Variants in C6 observed in about 807,000 individuals in gnomAD.
C6 encodes the protein complement component C6.
Under a neutral mutation model 112.9 loss-of-function variants are expected in C6, and 101 were observed. The observed-to-expected ratio is 0.89, with a 90% CI of 0.76 to 1.06. The LOEUF is 1.06. Ranked by LOEUF, C6 falls within the 50% of genes least tolerant of loss-of-function variation. The pLI is 0.00. For missense variants in C6, 1,202 were observed against 1,104.6 expected, an observed-to-expected ratio of 1.09 and a Z score of -1.25; for synonymous variants, 431 against 384.1, an observed-to-expected ratio of 1.12 and a Z score of -1.43.
At chr5:41,170,179 T>C (rs1461729094) in intron 9 of C6, among the ~76,000 whole-genome samples, 2 of 152,106 alleles carry the variant, frequency 1.3e-5, no homozygotes, top group African/African-American at 4.8e-5. Flanking sequence ...ATACTAATTT[T>C]CACATATTAA....
At chr5:41,218,353 G>A (rs1350825505), upstream of C6, among the ~76,000 whole-genome samples, 1 of 151,744 alleles carries the variant, frequency 6.6e-6, no homozygotes, top group Non-Finnish European at 1.5e-5. Flanking sequence ...AAAATTTACT[G>A]CAAGGAACTG....
At chr5:41,153,741 T>C in intron 15 of C6, 69 bp downstream of exon 15, 1 of 1,156,276 alleles carries the variant, frequency 8.6e-7, no homozygotes, top group Admixed American at 1.7e-5. Flanking sequence ...ATAATGGCTA[T>C]AGAGGCTATA....
Position 41,225,079 on chromosome 5 carries a change from T to C in C6, c.-20-21829A>G, listed in dbSNP as rs1318094588. Among the ~76,000 whole-genome samples, 3 of 152,224 alleles carry C rather than the reference T, an allele frequency of 2.0e-5. No individual in the cohort carries two copies. In the East Asian group the frequency reaches 5.8e-4, roughly 29 times the overall value. Reference sequence around the variant, plus strand: ...TCAAATCCTTTAGCCATTTTTTAAATTATACTTTAAGTTTTAGGGTACATG... The same window carrying C: ...TCAAATCCTTTAGCCATTTTTTAAACTATACTTTAAGTTTTAGGGTACATG... On this transcript the variant is annotated intron_variant, in intron 1 of 17. Coordinates refer to the C6 transcript ENST00000263413.
intron 1 of C6, among the ~76,000 whole-genome samples, chr5:41,204,389 G>A (rs892570951): frequency 1.3e-5 from 2 of 152,134 alleles, no homozygotes; most frequent in African/African-American, 4.8e-5. Flanking sequence ...AAATTTAATA[G>A]TAGCTGTTGG....
At chr5:41,177,196 T>G (rs956050283) in intron 7 of C6, among the ~76,000 whole-genome samples, 1 of 152,212 alleles carries the variant, frequency 6.6e-6, no homozygotes, top group Non-Finnish European at 1.5e-5. Flanking sequence ...TAGACTTCAG[T>G]TGTCAAATGA....
At position 41,195,850 on chromosome 5, in the gene C6, T is replaced by C; in HGVS notation, c.529A>G (p.Lys177Glu). ...TTATACTTCCGTGTGCATACTGCCT[T>C]TGTCCTCCCACAGTCCCTTTCATCT... The part of the protein sequence containing the change: ...NSDERDCGRT[K>E]AVCTRKYNPI... The change falls in exon 5 of 18, where the codon AAG becomes GAG. Residue 177 changes from lysine to glutamate, a missense_variant. Lys to Glu is a moderately conservative substitution (Grantham distance 56). Coordinates refer to ENST00000337836, the MANE Select transcript of C6 (RefSeq NM_000065.5). 5 of 1,614,064 alleles carry C rather than the reference T, an allele frequency of 3.1e-6. No individual in the cohort carries two copies. The highest frequency in any genetic ancestry group is 4.2e-6 in the Non-Finnish European group (5 of 1,179,950).
At position 41,155,095 on chromosome 5, in the gene C6, G is replaced by A; in HGVS notation, c.1978C>T (p.Gln660Ter). The A allele has an allele frequency of 6.2e-7, 1 of 1,613,262 alleles. No homozygotes were observed. Among genetic ancestry groups the A allele is most frequent in the Non-Finnish European group, 8.5e-7 (1 of 1,179,418 alleles). ...PENGFIRNEK[Q>*]LYLVGEDVEI... The stretch of plus-strand genomic sequence containing the variant: ...ACATCTTCTCCAACCAAGTATAGTT[G>A]CTTTTCATTCTTAATTAAAGCAGAA... Residue 660 changes from glutamine to a stop codon, truncating the protein, a stop_gained, in exon 14 of 18, where the codon CAA becomes TAA. Transcript: ENST00000337836. LOFTEE classifies it high-confidence loss of function.
At chr5:41,248,344 G>T (rs908245561) in intron 1 of C6, among the ~76,000 whole-genome samples, 2 of 152,170 alleles carry the variant, frequency 1.3e-5, no homozygotes, top group Admixed American at 6.5e-5. Context: ...AAACTAAAGA[G>T]CTTCTGCACA....
intron 1 of C6, among the ~76,000 whole-genome samples, chr5:41,247,819 A>G (rs144671290): frequency 2.8e-4 from 42 of 152,274 alleles, no homozygotes; most frequent in Non-Finnish European, 5.7e-4. Flanking sequence ...AAAGAAATCA[A>G]AGACACAAAC....
chr5:41,253,664 T>C (rs1741503305), intron 1 of C6, among the ~76,000 whole-genome samples: 1 of 152,192 alleles, frequency 6.6e-6, no homozygotes, highest in African/African-American at 2.4e-5. Flanking sequence ...AGCTTGTTTT[T>C]AGGTTATTTT....
intron 1 of C6, among the ~76,000 whole-genome samples, chr5:41,234,521 A>T (rs532699127): frequency 6.6e-6 from 1 of 152,210 alleles, no homozygotes; most frequent in Non-Finnish European, 1.5e-5. Flanking sequence ...ACAGAGATTT[A>T]ATCTAGAAAG....
chr5:41,259,947 C>T (rs1398123343), intron 1 of C6, among the ~76,000 whole-genome samples: 1 of 152,194 alleles, frequency 6.6e-6, no homozygotes, highest in Non-Finnish European at 1.5e-5. Flanking sequence ...AAAGCCTGGG[C>T]TGTCCCCACA....
intron 1 of C6, among the ~76,000 whole-genome samples, chr5:41,257,126 C>A (rs376705367): frequency 6.6e-6 from 1 of 152,034 alleles, no homozygotes; most frequent in African/African-American, 2.4e-5. Flanking sequence ...ATGATTTTGT[C>A]ACCCAGGTAG....
chr5:41,230,640 T>C (rs1739837788), intron 1 of C6, among the ~76,000 whole-genome samples: 1 of 152,144 alleles, frequency 6.6e-6, no homozygotes, highest in African/African-American at 2.4e-5. Context: ...GCCTTTGCCT[T>C]TGTGATCTTT....
chr5:41,146,748 C>CTT (rs141503196), intron 17 of C6, among the ~76,000 whole-genome samples: 1 of 148,344 alleles, frequency 6.7e-6, no homozygotes, highest in African/African-American at 2.5e-5. Flanking sequence ...GTTTTTAGTA[C>CTT]TTTTTTTTTT....
At chr5:41,213,803 A>G (rs866714358), upstream of C6, among the ~76,000 whole-genome samples, 15 of 152,196 alleles carry the variant, frequency 9.9e-5, no homozygotes, top group African/African-American at 3.1e-4. Flanking sequence ...TGATTATAGA[A>G]TAGTTATTGG....
At position 41,249,004 on chromosome 5, in the gene C6, C is replaced by G. The variant is rs11951762; in HGVS notation, c.-21+12190G>C. ...AAGAACAAAATCATGTTCTTTTCAGCAACATAGATACAGCTAGAGGTCATT... is the reference window on the plus strand; with the variant it reads ...AAGAACAAAATCATGTTCTTTTCAGGAACATAGATACAGCTAGAGGTCATT... On this transcript the variant is annotated intron_variant, in intron 1 of 17. Transcript: ENST00000263413. Among the ~76,000 whole-genome samples, 1,492 of 152,108 alleles carry G rather than the reference C, an allele frequency of 9.8e-3. 32 individuals carry two copies. Among genetic ancestry groups the G allele is most frequent in the African/African-American group, 0.034 (1,417 of 41,492 alleles).
chr5:41,194,303 A>G (rs1750443007), intron 5 of C6, among the ~76,000 whole-genome samples: 1 of 152,178 alleles, frequency 6.6e-6, no homozygotes, highest in Non-Finnish European at 1.5e-5. Flanking sequence ...TAGTCATCCA[A>G]CATATAGATG....
At chr5:41,167,841 T>A (rs1748108259) in intron 9 of C6, among the ~76,000 whole-genome samples, 1 of 152,114 alleles carries the variant, frequency 6.6e-6, no homozygotes, top group African/African-American at 2.4e-5. Context: ...TTAGGAAAAG[T>A]TTATGGGGAC....
Sources: gnomAD v4.1 joint callset for allele counts (sites outside exome capture counted in the v4.1 genomes callset) on GRCh38, gnomAD v4.1.1 for gene constraint, MANE v1.5 for transcripts, NCBI Gene and HGNC (gene_info 2026-07-23, HGNC 2026-07-21) for gene names.